The following EGF variants were observed in gnomAD, a reference collection of about 807,000 sequenced individuals.
EGF encodes the protein epidermal growth factor, also known as pro-epidermal growth factor.
A neutral mutation model predicts 143.8 loss-of-function variants in EGF; 95 were observed. That is an observed-to-expected ratio of 0.66 (90% confidence interval 0.56 to 0.78). EGF has a LOEUF of 0.78. Among genes scored for constraint, EGF ranks in the 30% least tolerant of loss-of-function variants. EGF has a pLI of 0.00. For missense variants in EGF, 1,320 were observed against 1,470.9 expected (o/e 0.90, Z 1.68); for synonymous variants, 510 against 510.5 (o/e 1.00, Z 0.01).
Position 109,957,413 on chromosome 4 carries a change from A to C in EGF, c.941-1899A>C, listed in dbSNP as rs75440001. Among the ~76,000 whole-genome samples the C allele has an allele frequency of 8.3e-3, 1,259 of 152,322 alleles. 14 individuals carry two copies. The highest frequency in any genetic ancestry group is 0.011 in the Non-Finnish European group (765 of 68,024). On this transcript the variant is annotated intron_variant, in intron 5 of 23. Transcript: ENST00000265171. ...GTAAACTGATGTTAACCAATCCACTATATATATCATGCTCAAGCAATATCA... is the reference window on the plus strand; with the variant it reads ...GTAAACTGATGTTAACCAATCCACTCTATATATCATGCTCAAGCAATATCA...
chr4:109,961,706 TA>T (rs1745725029), intron 7 of EGF, among the ~76,000 whole-genome samples, 156 bp from the exon 8 acceptor site: 1 of 152,138 alleles, frequency 6.6e-6, no homozygotes, highest in Non-Finnish European at 1.5e-5. Flanking sequence ...TGTTATGCAT[TA>T]AAAAATTAAG....
In EGF at chr4:109,999,786, T is replaced by G. The variant is rs559546269; in HGVS notation, c.3113T>G (p.Val1038Gly). The change falls in exon 21 of 24, where the codon GTC becomes GGC. Residue 1038 changes from valine (V) to glycine (G), a missense_variant. Val to Gly is a moderately radical substitution (Grantham distance 109). Transcript: ENST00000265171. ...GQQQKVIVVA[V>G]CVVVLVMLLL... ...CAGCAGAAGGTCATCGTGGTGGCTG[T>G]CTGCGTGGTGGTGCTTGTCATGCTG... The G allele has an allele frequency of 4.5e-5, 72 of 1,613,930 alleles. No individual in the cohort carries two copies. The highest frequency in any genetic ancestry group is 6.7e-5 in the Admixed American group (4 of 60,004).
chr4:109,983,850 C>T (rs1364672492), intron 16 of EGF, among the ~76,000 whole-genome samples: 1 of 152,088 alleles, frequency 6.6e-6, no homozygotes, highest in Non-Finnish European at 1.5e-5. Flanking sequence ...TTCCATCCAC[C>T]CCTGATATTT....
At chr4:109,917,912 G>A (rs1372667675) in intron 1 of EGF, among the ~76,000 whole-genome samples, 2 of 152,114 alleles carry the variant, frequency 1.3e-5, no homozygotes, top group East Asian at 1.9e-4. Flanking sequence ...GAGCCACCAC[G>A]ACTGGCCTCA....
At chr4:109,984,684 T>C (rs1236674287) in intron 16 of EGF, among the ~76,000 whole-genome samples, 2 of 152,190 alleles carry the variant, frequency 1.3e-5, no homozygotes, top group Admixed American at 1.3e-4. Context: ...ACCCGTGTTG[T>C]TCAAGGGTCA....
In EGF at chr4:109,945,262, C is replaced by T. The variant is rs149782177; in HGVS notation, c.927C>T (p.Asp309=). 6.2e-7 allele frequency: 1 copy of T among 1,613,826 alleles called. No homozygotes were observed. The highest frequency in any genetic ancestry group is 1.1e-5 in the South Asian group (1 of 91,030). Residue 309 remains aspartate (D), a synonymous_variant, in exon 5 of 24, where the codon GAC becomes GAT. Coordinates refer to ENST00000265171, the MANE Select transcript of EGF (RefSeq NM_001963.6). ...HPLAQPKAED[D]TWEPEQKLCK... is the part of the protein sequence containing the mutation. ...TTGCACAACCCAAGGCAGAAGATGACACTTGGGAGCCTGGTGAGTCATCGT... is the reference window on the plus strand; with the variant it reads ...TTGCACAACCCAAGGCAGAAGATGATACTTGGGAGCCTGGTGAGTCATCGT...
At chr4:109,939,536 G>A (rs936787779) in intron 1 of EGF, among the ~76,000 whole-genome samples, 1 of 152,188 alleles carries the variant, frequency 6.6e-6, no homozygotes, top group Non-Finnish European at 1.5e-5. Flanking sequence ...CTGGCCCTCC[G>A]TGGGCTGCAC....
At chr4:109,938,847 G>A (rs1741385331) in intron 1 of EGF, among the ~76,000 whole-genome samples, 1 of 152,154 alleles carries the variant, frequency 6.6e-6, no homozygotes, top group Non-Finnish European at 1.5e-5. Context: ...CACCAGTGGA[G>A]GCTACAGAAG....
In EGF at chr4:109,976,160, G is replaced by A. The variant is rs954524553; in HGVS notation, c.1978G>A (p.Asp660Asn). The change falls in exon 13 of 24, where the codon GAT (aspartate) becomes AAT (asparagine). Residue 660 changes from aspartate (D) to asparagine (N), a missense_variant. By Grantham distance (23) the Asp-to-Asn change is conservative. This residue lies in a region of EGF where 1,186 missense variants were observed against 1,313.7 expected (regional missense o/e 0.90). Transcript: ENST00000265171. ...CTTAACTGACAAGTTGTACTGGTGC[G>A]ATGCCAAGCAGTCTGTGATTGAAAT... ...DFLTDKLYWC[D>N]AKQSVIEMAN... 7 of 1,614,120 alleles carry A rather than the reference G, an allele frequency of 4.3e-6. No homozygotes were observed. The highest frequency in any genetic ancestry group is 1.3e-5 in the African/African-American group (1 of 75,058).
At chr4:109,971,483 C>T (rs904590593) in intron 11 of EGF, among the ~76,000 whole-genome samples, 5 of 152,098 alleles carry the variant, frequency 3.3e-5, no homozygotes, top group Non-Finnish European at 7.4e-5. Context: ...TCTCATATTT[C>T]CCCACATTCA....
intron 6 of EGF, 149 bp downstream of exon 6, chr4:109,959,586 AC>A: frequency 9.2e-7 from 1 of 1,090,050 alleles, no homozygotes; most frequent in Non-Finnish European, 1.4e-6. Flanking sequence ...CCCCCACACA[AC>A]CCCTGAAGAC....
In EGF at chr4:109,941,078, G is replaced by A. The variant is rs1384874033; in HGVS notation, c.260G>A (p.Arg87Lys). 1.2e-6 allele frequency: 2 copies of A among 1,613,996 alleles called. No individual in the cohort carries two copies. Among genetic ancestry groups the A allele is most frequent in the South Asian group, 2.2e-5 (2 of 91,072 alleles). The change falls in exon 2 of 24, where the codon AGA (arginine) becomes AAA (lysine). Residue 87 changes from arginine (R) to lysine (K), a missense_variant. Arg to Lys is a conservative substitution (Grantham distance 26). This residue lies in a region of EGF where 41 missense variants were observed against 38.1 expected (regional missense o/e 1.07). Coordinates refer to ENST00000265171, the MANE Select transcript of EGF (RefSeq NM_001963.6). ...VIMDFHYNEK[R>K]IYWVDLERQL... ...ATGGATTTTCATTATAATGAGAAAA[G>A]AATCTATTGGGTGGATTTAGAAAGA...
chr4:109,975,011 AGTTT>A (rs2126100751), intron 12 of EGF, among the ~76,000 whole-genome samples: 1 of 152,324 alleles, frequency 6.6e-6, no homozygotes, highest in African/African-American at 2.4e-5. Context: ...AAATAAATTC[AGTTT>A]GTTTTTGAAA....
rs756200933 is a variant in EGF at position 109,959,446 on chromosome 4, T to C, written c.1066+9T>C. 3 of 1,613,550 alleles carry C rather than the reference T, an allele frequency of 1.9e-6. No homozygotes were observed. The highest frequency in any genetic ancestry group is 3.3e-5 in the Admixed American group (2 of 59,968). ...CCGGAAGTACTGTGAAGGTAATGAC[T>C]GGAAGTACTGTGAAGGTAATGGAAG... On this transcript the variant is annotated intron_variant, in intron 6 of 23. Coordinates refer to ENST00000265171, the MANE Select transcript of EGF (RefSeq NM_001963.6).
At chr4:110,001,393 A>G (rs1752554908) in intron 21 of EGF, among the ~76,000 whole-genome samples, 1 of 152,218 alleles carries the variant, frequency 6.6e-6, no homozygotes, top group African/African-American at 2.4e-5. Flanking sequence ...CTTAGGCACA[A>G]ACTTGACATT....
chr4:109,926,128 A>C (rs1033513289), intron 1 of EGF, among the ~76,000 whole-genome samples: 2 of 152,166 alleles, frequency 1.3e-5, no homozygotes, highest in African/African-American at 4.8e-5. Flanking sequence ...CACAAGCAGG[A>C]GGATTGCTTG....
chr4:109,939,282 A>C (rs1174526944), intron 1 of EGF, among the ~76,000 whole-genome samples: 2 of 152,204 alleles, frequency 1.3e-5, no homozygotes, highest in Non-Finnish European at 2.9e-5. Context: ...TTAGCATCCC[A>C]GATCGATCTC....
At chr4:109,921,656 A>C (rs1199422738) in intron 1 of EGF, among the ~76,000 whole-genome samples, 1 of 151,596 alleles carries the variant, frequency 6.6e-6, no homozygotes, top group African/African-American at 2.4e-5. Context: ...TGTGTGCAGT[A>C]AGGGAATTAC....
At position 109,917,957 on chromosome 4, in the gene EGF, T is replaced by A. The variant is rs920669391; in HGVS notation, c.127+4495T>A. 1.1e-4 allele frequency among the ~76,000 whole-genome samples: 17 copies of A among 152,308 alleles called. No homozygotes were observed. The East Asian group carries it at 2.9e-3, about 26-fold the overall frequency. On this transcript the variant is annotated intron_variant, in intron 1 of 23. Coordinates refer to ENST00000265171, the MANE Select transcript of EGF (RefSeq NM_001963.6). ...TTAAATCAGTACTCTCCAGACTCCGTTCCATCAGTAAAATAATTAAAATGT... is the reference window on the plus strand; with the variant it reads ...TTAAATCAGTACTCTCCAGACTCCGATCCATCAGTAAAATAATTAAAATGT...
Sources: gnomAD v4.1 joint callset for allele counts (sites outside exome capture counted in the v4.1 genomes callset) on GRCh38, gnomAD v4.1.1 for gene constraint, gnomAD v4.1.1 regional missense constraint, MANE v1.5 for transcripts, NCBI Gene and HGNC (gene_info 2026-07-23, HGNC 2026-07-21) for gene names.